Variants in CALN1 observed in about 807,000 individuals in gnomAD.
CALN1 encodes calcium-binding protein 8.
Under a neutral mutation model 30.6 loss-of-function variants are expected in CALN1, and 17 were observed. The observed-to-expected ratio is 0.56, with a 90% CI of 0.38 to 0.83. The LOEUF is 0.83. CALN1 is among the 40% of genes least tolerant of loss of function. CALN1 has a pLI of 0.00. For synonymous variants in CALN1, 156 were observed against 131.4 expected, an observed-to-expected ratio of 1.19 and a Z score of -1.28; for missense variants, 291 against 354.9, an observed-to-expected ratio of 0.82 and a Z score of 1.45.
chr7:72,028,369 A>T (rs979121174), intron 4 of CALN1, among the ~76,000 whole-genome samples: 1 of 152,204 alleles, frequency 6.6e-6, no homozygotes, highest in Non-Finnish European at 1.5e-5. Context: ...AAATCATCAC[A>T]GTACCAGGCA....
At chr7:72,006,674 A>C (rs1416118939) in intron 5 of CALN1, among the ~76,000 whole-genome samples, 3 of 152,212 alleles carry the variant, frequency 2.0e-5, no homozygotes, top group Non-Finnish European at 4.4e-5. Flanking sequence ...AGGAGGATTC[A>C]AGAAAAAAAT....
intron 5 of CALN1, among the ~76,000 whole-genome samples, chr7:71,892,237 TAG>T (rs1443751490): frequency 6.6e-6 from 1 of 152,246 alleles, no homozygotes; most frequent in Non-Finnish European, 1.5e-5. Flanking sequence ...TGAAGTTTGA[TAG>T]ATTTTTAAAA....
intron 4 of CALN1, among the ~76,000 whole-genome samples, chr7:72,030,499 C>T (rs1008903014): frequency 6.6e-6 from 1 of 152,140 alleles, no homozygotes; most frequent in African/African-American, 2.4e-5. Flanking sequence ...ACAAACAGGG[C>T]TGGGAATACC....
chr7:72,409,000 AG>A (rs1487638186), intron 1 of CALN1, among the ~76,000 whole-genome samples: 1 of 143,182 alleles, frequency 7.0e-6, no homozygotes, highest in Non-Finnish European at 1.5e-5. Context: ...TTTTTGGGGC[AG>A]GGGGGCAGCG....
intron 4 of CALN1, among the ~76,000 whole-genome samples, chr7:72,086,718 C>T (rs1805507446): frequency 6.6e-6 from 1 of 152,032 alleles, no homozygotes; most frequent in African/African-American, 2.4e-5. Flanking sequence ...TTTACACAGG[C>T]GTGAGCCACT....
chr7:72,427,934 T>C (rs1807850017), intron 1 of CALN1, among the ~76,000 whole-genome samples: 1 of 152,134 alleles, frequency 6.6e-6, no homozygotes, highest in African/African-American at 2.4e-5. Flanking sequence ...GCCTAACCCC[T>C]GCCTCTCCAG....
intron 5 of CALN1, among the ~76,000 whole-genome samples, chr7:71,955,268 GA>G (rs1472465547): frequency 8.5e-5 from 13 of 152,092 alleles, no homozygotes; most frequent in Non-Finnish European, 1.3e-4. Flanking sequence ...CCGTCCCTGT[GA>G]TTCAGTGATC....
intron 5 of CALN1, among the ~76,000 whole-genome samples, chr7:71,857,498 T>C (rs985955239): frequency 6.6e-6 from 1 of 152,134 alleles, no homozygotes; most frequent in African/African-American, 2.4e-5. Flanking sequence ...TTTCAAAGGA[T>C]TGCTCCTTTA....
At chr7:71,816,724 C>T (rs1468126800) in intron 5 of CALN1, among the ~76,000 whole-genome samples, 1 of 152,000 alleles carries the variant, frequency 6.6e-6, no homozygotes, top group Non-Finnish European at 1.5e-5. Flanking sequence ...CTGAGGTGGG[C>T]AGATCACGAG....
intron 2 of CALN1, among the ~76,000 whole-genome samples, chr7:72,397,960 C>T (rs1489351155): frequency 6.6e-6 from 1 of 152,170 alleles, no homozygotes; most frequent in Non-Finnish European, 1.5e-5. Context: ...TAAGACACAG[C>T]TCCTGGATGA....
chr7:72,127,123 G>T (rs1259801775), intron 3 of CALN1, among the ~76,000 whole-genome samples: 1 of 151,762 alleles, frequency 6.6e-6, no homozygotes, highest in Non-Finnish European at 1.5e-5. Context: ...TGGATGGAAT[G>T]GTACCATTTA....
chr7:72,347,369 C>T (rs1479407862), intron 2 of CALN1, among the ~76,000 whole-genome samples: 1 of 151,874 alleles, frequency 6.6e-6, no homozygotes, highest in African/African-American at 2.4e-5. Context: ...CGGGTTCAAG[C>T]GATTCTCCTG....
At position 71,819,097 on chromosome 7, in the gene CALN1, C is replaced by G. The variant is rs185168932; in HGVS notation, c.502-8605G>C. 2.7e-4 allele frequency among the ~76,000 whole-genome samples: 41 copies of G among 152,162 alleles called. 1 individual carries two copies. The East Asian group carries it at 7.5e-3, about 28-fold the overall frequency. ...CGCAAACTCCCAGGCTCAAGCAGTC[C>G]TACCACTTCAGCCTCCTGAGTAGCT... is the stretch of plus-strand genomic sequence containing the variant. On this transcript the variant is annotated intron_variant, in intron 5 of 6. Transcript: ENST00000395275.
At chr7:71,992,472 T>TCA (rs948201476) in intron 5 of CALN1, among the ~76,000 whole-genome samples, 1 of 152,156 alleles carries the variant, frequency 6.6e-6, no homozygotes, top group East Asian at 1.9e-4. Flanking sequence ...TCCTCCCACC[T>TCA]CAGCCTCCTG....
chr7:72,422,069 A>T (rs1807630665), intron 1 of CALN1, among the ~76,000 whole-genome samples: 1 of 152,208 alleles, frequency 6.6e-6, no homozygotes, highest in Non-Finnish European at 1.5e-5. Flanking sequence ...TGCAATTGTG[A>T]ATTGTGCTGC....
intron 5 of CALN1, among the ~76,000 whole-genome samples, chr7:71,957,761 G>T (rs1034058648): frequency 6.6e-6 from 1 of 151,800 alleles, no homozygotes; most frequent in Middle Eastern, 3.2e-3. Context: ...CTCACACCTC[G>T]CACTAAGAAA....
intron 4 of CALN1, among the ~76,000 whole-genome samples, chr7:72,038,364 C>T (rs1262288221): frequency 6.8e-6 from 1 of 147,790 alleles, no homozygotes; most frequent in Non-Finnish European, 1.5e-5. Flanking sequence ...TTGCACCAAC[C>T]TAGTATCTAT....
At chr7:71,870,072 T>G (rs560756777) in intron 5 of CALN1, among the ~76,000 whole-genome samples, 1 of 152,268 alleles carries the variant, frequency 6.6e-6, no homozygotes, top group South Asian at 2.1e-4. Context: ...CCTGCACCTA[T>G]AATATTTTAT....
At chr7:72,083,494 G>A (rs1343757353) in intron 4 of CALN1, among the ~76,000 whole-genome samples, 1 of 152,122 alleles carries the variant, frequency 6.6e-6, no homozygotes, top group Non-Finnish European at 1.5e-5. Flanking sequence ...CGAGACAGGA[G>A]GATCACTTGA....
Sources: gnomAD v4.1 joint callset for allele counts (sites outside exome capture counted in the v4.1 genomes callset) on GRCh38, gnomAD v4.1.1 for gene constraint, MANE v1.5 for transcripts, NCBI Gene and HGNC (gene_info 2026-07-23, HGNC 2026-07-21) for gene names.